DAZL: variants seen among roughly 807,000 people sequenced by gnomAD.
DAZL encodes deleted in azoospermia-like.
DAZL carries 4 observed loss-of-function variants against 45.0 expected under a neutral mutation model. That is an observed-to-expected ratio of 0.09 (90% CI 0.04 to 0.20). DAZL has a LOEUF of 0.20. Among genes scored for constraint, DAZL ranks in the 10% least tolerant of loss-of-function variants. The probability of loss-of-function intolerance (pLI) is 1.00; values close to 1 mark genes in which losing one functional copy is unlikely to be tolerated. For synonymous variants in DAZL, 122 were observed against 112.4 expected, an observed-to-expected ratio of 1.09 and a Z score of -0.54; for missense variants, 326 against 351.3, an observed-to-expected ratio of 0.93 and a Z score of 0.58.
intron 9 of DAZL, among the ~76,000 whole-genome samples, chr3:16,592,954 T>A (rs1575416433): frequency 6.6e-6 from 1 of 152,246 alleles, no homozygotes; most frequent in Non-Finnish European, 1.5e-5. Flanking sequence ...GCTCTAATGA[T>A]AAAAAGAAGA....
At chr3:16,593,387 G>A (rs1315462209) in intron 9 of DAZL, among the ~76,000 whole-genome samples, 1 of 152,134 alleles carries the variant, frequency 6.6e-6, no homozygotes, top group African/African-American at 2.4e-5. Flanking sequence ...TGCCCAGGGT[G>A]GTCTCGAACT....
At chr3:16,602,481 G>A (rs3773833) in intron 1 of DAZL, among the ~76,000 whole-genome samples, 111,829 of 152,018 alleles carry the variant, frequency 0.74, 41,532 homozygotes, top group African/African-American at 0.84. Context: ...ACACAGAAGA[G>A]GAGATTAAAA....
intron 7 of DAZL, among the ~76,000 whole-genome samples, chr3:16,594,802 G>A (rs575314740): frequency 6.6e-6 from 1 of 152,060 alleles, no homozygotes; most frequent in South Asian, 2.1e-4. Flanking sequence ...TTCTGGAGTT[G>A]GCATTGTGGA....
intron 9 of DAZL, among the ~76,000 whole-genome samples, chr3:16,592,550 C>G (rs1284664289): frequency 6.9e-6 from 1 of 144,666 alleles, no homozygotes; most frequent in Non-Finnish European, 1.5e-5. Flanking sequence ...GCCTGGGCAA[C>G]ACAGCGAGAC....
intron 1 of DAZL, among the ~76,000 whole-genome samples, chr3:16,604,998 TC>T (rs1347162701): frequency 6.6e-6 from 1 of 152,182 alleles, no homozygotes; most frequent in Non-Finnish European, 1.5e-5. Context: ...GCCCTTGGCG[TC>T]CCGCGCCTGC....
intron 1 of DAZL, among the ~76,000 whole-genome samples, chr3:16,604,232 G>C (rs1260954460): frequency 2.0e-5 from 3 of 152,172 alleles, no homozygotes; most frequent in African/African-American, 7.2e-5. Flanking sequence ...GCGCGTTCGT[G>C]ACTCAGTGGT....
chr3:16,590,143 T>C (rs1694495063), intron 10 of DAZL, among the ~76,000 whole-genome samples: 1 of 150,410 alleles, frequency 6.6e-6, no homozygotes, highest in South Asian at 2.1e-4. Flanking sequence ...GACACCTATG[T>C]AATCATCAGA....
intron 8 of DAZL, 30 bp downstream of exon 8, chr3:16,594,503 G>A (rs778676425): frequency 3.3e-6 from 5 of 1,512,378 alleles, no homozygotes; most frequent in South Asian, 1.3e-5. Context: ...TAAAATAACA[G>A]GAATTATATG....
intron 10 of DAZL, among the ~76,000 whole-genome samples, chr3:16,591,697 G>C (rs1694521213): frequency 6.6e-6 from 1 of 152,158 alleles, no homozygotes; most frequent in African/African-American, 2.4e-5. Flanking sequence ...GCCCCCAAAA[G>C]TGCTGGGATT....
At position 16,591,935 on chromosome 3, in the gene DAZL, C is replaced by T. The variant is rs996728701; in HGVS notation, c.834+115G>A. ...TGGTTTACTGTGTTATAGTCAAATG[C>T]CAACAGTTAATTAAATGCTCTAAGA... On this transcript the variant is annotated intron_variant, in intron 10 of 10. Coordinates refer to ENST00000399444, the MANE Select transcript of DAZL (RefSeq NM_001351.4). 3.2e-6 allele frequency: 4 copies of T among 1,245,676 alleles called. No homozygotes were observed. The African/African-American group carries it at 4.5e-5, about 14-fold the overall frequency. 77.2% of individuals were successfully genotyped at this position (1,245,676 alleles called of 1,614,324 possible).
chr3:16,605,362 C>G lies in DAZL; in HGVS notation c.-157G>C, dbSNP rs944576748. ...ATGAAGAGAAAAGGAAAACCAAGAG[C>G]GGGTGACAAGGCTGAGGAGCCCCGA... On this transcript the variant is annotated 5_prime_UTR_variant, in exon 1 of 11. Transcript: ENST00000399444. The G allele has an allele frequency of 1.3e-5, 12 of 921,070 alleles. No individual in the cohort carries two copies. Among genetic ancestry groups the G allele is most frequent in the Non-Finnish European group, 1.9e-5 (11 of 565,876 alleles). 57.1% of individuals were successfully genotyped at this position (921,070 alleles called of 1,614,324 possible).
chr3:16,601,249 C>T (rs1193123822), intron 1 of DAZL, among the ~76,000 whole-genome samples: 1 of 151,978 alleles, frequency 6.6e-6, no homozygotes, highest in Non-Finnish European at 1.5e-5. Flanking sequence ...GGATACTTGG[C>T]GACAACAGTA....
intron 3 of DAZL, 41 bp downstream of exon 3, chr3:16,598,046 T>C (rs756431598): frequency 4.2e-6 from 6 of 1,439,356 alleles, no homozygotes; most frequent in Non-Finnish European, 4.9e-6. Flanking sequence ...TGATACTCTA[T>C]ACGTGGCTAG....
intron 1 of DAZL, 74 bp from the exon 2 acceptor site, chr3:16,598,672 G>C: frequency 1.4e-6 from 2 of 1,407,850 alleles, no homozygotes; most frequent in Non-Finnish European, 1.9e-6. Context: ...TATAATTTTT[G>C]TATTTTAAGT....
chr3:16,592,937 G>T (rs760153268), intron 9 of DAZL, among the ~76,000 whole-genome samples: 3 of 152,078 alleles, frequency 2.0e-5, no homozygotes, highest in African/African-American at 4.8e-5. Context: ...TATTATTATG[G>T]AAATTTGCTC....
intron 1 of DAZL, among the ~76,000 whole-genome samples, chr3:16,599,191 AAAAC>A (rs201422701): frequency 6.6e-5 from 10 of 151,188 alleles, no homozygotes; most frequent in South Asian, 4.2e-4. Context: ...ACTTAAAAAA[AAAAC>A]AAACCCAAAA....
intron 1 of DAZL, among the ~76,000 whole-genome samples, chr3:16,603,893 G>T (rs1389285375): frequency 6.6e-5 from 10 of 152,066 alleles, no homozygotes; most frequent in Admixed American, 6.5e-4. Context: ...AAATTTAACG[G>T]TTATAAGTGT....
intron 1 of DAZL, among the ~76,000 whole-genome samples, chr3:16,603,310 T>C (rs1373489104): frequency 1.3e-5 from 2 of 152,126 alleles, no homozygotes; most frequent in Non-Finnish European, 2.9e-5. Context: ...GAATTAATAA[T>C]ACAAGCATGC....
intron 4 of DAZL, 30 bp downstream of exon 4, chr3:16,597,460 C>A (rs771384044): frequency 7.4e-7 from 1 of 1,349,356 alleles, no homozygotes; most frequent in African/African-American, 1.4e-5. Context: ...ATCAATTAAA[C>A]AAATGAGATT....
Sources: allele counts gnomAD v4.1 joint callset (sites outside exome capture counted in the v4.1 genomes callset), GRCh38; gene constraint gnomAD v4.1.1; transcripts MANE v1.5; gene names NCBI Gene and HGNC (gene_info 2026-07-23, HGNC 2026-07-21).